Variants in VPS26B observed in about 807,000 individuals in gnomAD.
The protein encoded by VPS26B is vacuolar protein sorting-associated protein 26B.
VPS26B carries 10 observed loss-of-function variants against 33.3 expected under a neutral mutation model. That is an observed-to-expected ratio of 0.30 (90% CI 0.19 to 0.51). The LOEUF (loss-of-function observed/expected upper bound fraction) is 0.51, where lower values mean the gene tolerates loss of function less well. Among genes scored for constraint, VPS26B ranks in the 20% least tolerant of loss-of-function variants. The probability of loss-of-function intolerance (pLI) is 0.98; values close to 1 mark genes in which losing one functional copy is unlikely to be tolerated. For synonymous variants in VPS26B, 190 were observed against 176.9 expected (o/e 1.07, Z -0.59); for missense variants, 317 against 452.7 (o/e 0.70, Z 2.72).
In VPS26B at chr11:134,245,449, G is replaced by A. The variant is rs778585207; in HGVS notation, c.870G>A (p.Val290=). 5.4e-5 allele frequency: 87 copies of A among 1,613,870 alleles called. No homozygotes were observed. Among genetic ancestry groups the A allele is most frequent in the Non-Finnish European group, 5.1e-6 (6 of 1,179,890 alleles). The part of the protein sequence containing the change: ...EERRYFKQQE[V]VLWRKGDIVR... Reference sequence around the variant, plus strand: ...CCCCCCTTTCAATTCTGCAGGAAGTGGTGTTGTGGCGGAAGGGTGACATCG... The same window carrying A: ...CCCCCCTTTCAATTCTGCAGGAAGTAGTGTTGTGGCGGAAGGGTGACATCG... The change falls in exon 6 of 6, where the codon GTG becomes GTA. Residue 290 remains valine (V), a synonymous_variant. Coordinates refer to ENST00000281187, the MANE Select transcript of VPS26B (RefSeq NM_052875.5). The surrounding 1 kb of genome is among the most constrained non-coding windows in gnomAD (Gnocchi z 4.7).
Position 134,225,070 on chromosome 11 carries a change from G to T in VPS26B, c.-53G>T, listed in dbSNP as rs1938414505. 1 of 1,521,616 alleles carries T rather than the reference G, an allele frequency of 6.6e-7. No individual in the cohort carries two copies. The highest frequency in any genetic ancestry group is 1.4e-5 in the African/African-American group (1 of 72,792). The allele number at this position is 1,521,616 out of a possible 1,614,324, so 94.3% of individuals were successfully genotyped here. A position where few individuals can be genotyped will look rare whatever the true frequency, so the allele number is the denominator to read the frequency against. On this transcript the variant is annotated 5_prime_UTR_variant, in exon 1 of 6. Coordinates refer to ENST00000281187, the MANE Select transcript of VPS26B (RefSeq NM_052875.5). The stretch of plus-strand genomic sequence containing the variant: ...GCCTTCTTTACCTAGGGCAGCCCGC[G>T]CCCCGGTGCGAGGGAGCGGTCCTTA...
At chr11:134,231,603 C>T (rs1437890505) in intron 1 of VPS26B, among the ~76,000 whole-genome samples, 1 of 150,752 alleles carries the variant, frequency 6.6e-6, no homozygotes, top group African/African-American at 2.4e-5. Flanking sequence ...CTTGCTCTGT[C>T]GCCCAGGATA....
chr11:134,242,964 C>T (rs1251671743), intron 3 of VPS26B, among the ~76,000 whole-genome samples, 155 bp from the exon 4 acceptor site: 1 of 152,026 alleles, frequency 6.6e-6, no homozygotes, highest in Non-Finnish European at 1.5e-5. Context: ...CACTGGGAAA[C>T]AGTTCAGCCA....
intron 2 of VPS26B, chr11:134,239,577 C>T (rs1938686471): frequency 5.4e-6 from 1 of 186,420 alleles, no homozygotes; most frequent in Non-Finnish European, 1.1e-5. Flanking sequence ...ACGAGACGGA[C>T]TCCTTTGCCC....
At chr11:134,227,911 C>G (rs981718389) in intron 1 of VPS26B, among the ~76,000 whole-genome samples, 1 of 152,228 alleles carries the variant, frequency 6.6e-6, no homozygotes. Flanking sequence ...TGAAGAAGAT[C>G]GCCCTGTCTA....
intron 1 of VPS26B, among the ~76,000 whole-genome samples, chr11:134,227,518 G>A (rs551380132): frequency 6.6e-6 from 1 of 152,202 alleles, no homozygotes; most frequent in Non-Finnish European, 1.5e-5. Context: ...ATGAAAGGGA[G>A]TTGAAGAAAC....
rs1319063747 is a variant in VPS26B, at chr11:134,247,389, C to T, written c.*1799C>T. 1 of 152,218 alleles carries T rather than the reference C, an allele frequency of 6.6e-6. No individual in the cohort carries two copies. The highest frequency in any genetic ancestry group is 1.5e-5 in the Non-Finnish European group (1 of 68,034). 9.4% of individuals were successfully genotyped at this position (152,218 alleles called of 1,614,324 possible). On this transcript the variant is annotated 3_prime_UTR_variant, in exon 6 of 6. Coordinates refer to ENST00000281187, the MANE Select transcript of VPS26B (RefSeq NM_052875.5). ...TAGAAGCATTTGTCAATTCCTTTGCCTCCCAACTGACAACACACGTTCATT... is the reference window on the plus strand; with the variant it reads ...TAGAAGCATTTGTCAATTCCTTTGCTTCCCAACTGACAACACACGTTCATT...
In VPS26B at chr11:134,225,115, GC is replaced by G. The variant is rs780916858; in HGVS notation, c.-7del. 1 of 1,595,840 alleles carries G rather than the reference GC, an allele frequency of 6.3e-7. No individual in the cohort carries two copies. The highest frequency in any genetic ancestry group is 1.1e-5 in the South Asian group (1 of 89,776). On this transcript the variant is annotated 5_prime_UTR_variant, in exon 1 of 6. Transcript: ENST00000281187. ...TCCTTACCGAGACCCGCCCGGCCCG[GC>G]GGTGCGATGAGCTTCTTCGGCTTCG...
chr11:134,229,167 C>T (rs950368616), intron 1 of VPS26B, among the ~76,000 whole-genome samples: 3 of 152,242 alleles, frequency 2.0e-5, no homozygotes, highest in African/African-American at 7.2e-5. Context: ...GTAGCTGAGA[C>T]TACAGGTGCA....
intron 4 of VPS26B, 130 bp downstream of exon 4, chr11:134,243,424 C>A: frequency 8.9e-7 from 1 of 1,124,452 alleles, no homozygotes; most frequent in Non-Finnish European, 1.2e-6. Flanking sequence ...CTTAATCTCT[C>A]AGTTTACACC....
rs139254158 is a variant in VPS26B, at chr11:134,238,395, G to A, written c.381-1596G>A. 1.5e-3 allele frequency among the ~76,000 whole-genome samples: 223 copies of A among 152,248 alleles called. 2 individuals carry two copies. Among genetic ancestry groups the A allele is most frequent in the African/African-American group, 5.1e-3 (213 of 41,526 alleles). On this transcript the variant is annotated intron_variant, in intron 2 of 5. Transcript: ENST00000281187. ...TCTTCTTAGTGGAGTAAAAGTCAGT[G>A]TCTTCCCAGACAGCGGGGTGGGGAG...
At chr11:134,239,761 G>C in intron 2 of VPS26B, 1 of 537,634 alleles carries the variant, frequency 1.9e-6, no homozygotes, top group Non-Finnish European at 3.3e-6. Context: ...AGAGGGATTT[G>C]GGGGAAGGGT....
rs1222789045 is a variant in VPS26B, at chr11:134,246,063, TG to T, written c.*475del. Reference sequence around the variant, plus strand: ...AGGAGTTGGGCCAGCCCCCACTAAGTGGCAGGGGAAGACTCACGATTGGGAA... The same window carrying T: ...AGGAGTTGGGCCAGCCCCCACTAAGTGCAGGGGAAGACTCACGATTGGGAA... On this transcript the variant is annotated 3_prime_UTR_variant, in exon 6 of 6. Transcript: ENST00000281187. 2 of 154,886 alleles carry T rather than the reference TG, an allele frequency of 1.3e-5. No individual in the cohort carries two copies. The highest frequency in any genetic ancestry group is 4.8e-5 in the African/African-American group (2 of 41,480). The allele number at this position is 154,886 out of a possible 1,614,324, so 9.6% of individuals were successfully genotyped here.
At chr11:134,241,847 G>T (rs1381858942) in intron 3 of VPS26B, among the ~76,000 whole-genome samples, 1 of 152,242 alleles carries the variant, frequency 6.6e-6, no homozygotes, top group Admixed American at 6.5e-5. Context: ...AAGTTGGGCG[G>T]TCAGCAGATA....
intron 1 of VPS26B, among the ~76,000 whole-genome samples, chr11:134,231,147 C>T (rs764547659): frequency 3.3e-5 from 5 of 151,828 alleles, no homozygotes; most frequent in Admixed American, 6.6e-5. Flanking sequence ...ATAAACCAAA[C>T]GTAATTAGAA....
chr11:134,225,063 A>G lies in VPS26B; in HGVS notation c.-60A>G. Reference sequence around the variant, plus strand: ...CCCTCTGGCCTTCTTTACCTAGGGCAGCCCGCGCCCCGGTGCGAGGGAGCG... The same window carrying G: ...CCCTCTGGCCTTCTTTACCTAGGGCGGCCCGCGCCCCGGTGCGAGGGAGCG... On this transcript the variant is annotated 5_prime_UTR_variant, in exon 1 of 6. Transcript: ENST00000281187. The G allele has an allele frequency of 6.7e-7, 1 of 1,497,436 alleles. No individual in the cohort carries two copies. The highest frequency in any genetic ancestry group is 1.3e-5 in the South Asian group (1 of 79,624). 92.8% of individuals were successfully genotyped at this position (1,497,436 alleles called of 1,614,324 possible).
chr11:134,230,856 C>CTGTA (rs1938546037), intron 1 of VPS26B, among the ~76,000 whole-genome samples: 1 of 152,220 alleles, frequency 6.6e-6, no homozygotes, highest in South Asian at 2.1e-4. Flanking sequence ...GGGATCCTTC[C>CTGTA]TGTACCTAGG....
chr11:134,237,571 T>C lies in VPS26B; in HGVS notation c.381-2420T>C, dbSNP rs1435826227. Among the ~76,000 whole-genome samples, 3 of 151,966 alleles carry C rather than the reference T, an allele frequency of 2.0e-5. No individual in the cohort carries two copies. In the East Asian group the frequency reaches 5.8e-4, roughly 29 times the overall value. On this transcript the variant is annotated intron_variant, in intron 2 of 5. Coordinates refer to ENST00000281187, the MANE Select transcript of VPS26B (RefSeq NM_052875.5). ...CAGTCAGGACTGATCTGCTCAGAGG[T>C]CATAACTGATACGTTTTTGAAGAAA...
intron 3 of VPS26B, among the ~76,000 whole-genome samples, chr11:134,242,163 G>A (rs1384962708): frequency 1.3e-5 from 2 of 152,176 alleles, no homozygotes; most frequent in Non-Finnish European, 2.9e-5. Flanking sequence ...CCTGTAAGAT[G>A]GCGCAGGTGG....
Sources: gnomAD v4.1 joint callset for allele counts (sites outside exome capture counted in the v4.1 genomes callset) on GRCh38, gnomAD v4.1.1 for gene constraint, Gnocchi (gnomAD v3.1) non-coding constraint, MANE v1.5 for transcripts, NCBI Gene and HGNC (gene_info 2026-07-23, HGNC 2026-07-21) for gene names.